Variants in UTRN observed in about 807,000 individuals in gnomAD.
UTRN encodes the protein utrophin.
UTRN carries 283 observed loss-of-function variants against 463.9 expected under a neutral mutation model. The ratio of observed to expected loss-of-function variants is 0.61; its 90% CI spans 0.55 to 0.67. The LOEUF is 0.67. UTRN is among the 30% of genes least tolerant of loss of function. The probability of loss-of-function intolerance (pLI) is 0.00; values close to 1 mark genes in which losing one functional copy is unlikely to be tolerated. For missense variants in UTRN, 3,922 were observed against 4,084.3 expected (o/e 0.96, Z 1.08); for synonymous variants, 1,442 against 1,431.5 (o/e 1.01, Z -0.17).
At chr6:144,573,002 C>T (rs1562591915) in intron 50 of UTRN, among the ~76,000 whole-genome samples, 1 of 152,196 alleles carries the variant, frequency 6.6e-6, no homozygotes, top group Non-Finnish European at 1.5e-5. Context: ...AACTAATTTA[C>T]ACTCCCACCA....
In UTRN at chr6:144,631,208, AGAGT is replaced by A. The variant is rs989175119; in HGVS notation, c.7480-47192_7480-47189del. ...CCAAAAGAGAGAGAGAGAGAAAGAG[AGAGT>A]GAGTGTGTGTGTGTGAGAGAGAGAG... is the stretch of plus-strand genomic sequence containing the variant. On this transcript the variant is annotated intron_variant, in intron 51 of 74. Transcript: ENST00000367545. Among the ~76,000 whole-genome samples, 121 of 149,072 alleles carry A rather than the reference AGAGT, an allele frequency of 8.1e-4. 1 individual carries two copies. The Middle Eastern group carries it at 0.017, about 21-fold the overall frequency.
chr6:144,437,528 TG>T, intron 10 of UTRN, 36 bp from the exon 11 acceptor site: 1 of 1,515,528 alleles, frequency 6.6e-7, no homozygotes, highest in Non-Finnish European at 8.8e-7. Flanking sequence ...TTTTTTGCAC[TG>T]AGTAGCTCAC....
At chr6:144,711,170 T>C (rs906124691) in intron 53 of UTRN, among the ~76,000 whole-genome samples, 27 of 151,912 alleles carry the variant, frequency 1.8e-4, no homozygotes, top group African/African-American at 6.5e-4. Flanking sequence ...ATATAAAAAT[T>C]AGGTGTGGTG....
intron 58 of UTRN, among the ~76,000 whole-genome samples, chr6:144,761,013 C>T (rs2128727650): frequency 6.6e-6 from 1 of 152,158 alleles, no homozygotes; most frequent in East Asian, 1.9e-4. Flanking sequence ...TAGGTAATTC[C>T]TTATTAATAT....
At chr6:144,818,872 G>T (rs1779313949) in intron 65 of UTRN, among the ~76,000 whole-genome samples, 2 of 150,060 alleles carry the variant, frequency 1.3e-5, no homozygotes. Context: ...TTCCTTATTT[G>T]CTCCCAACTA....
intron 9 of UTRN, among the ~76,000 whole-genome samples, chr6:144,431,456 T>C (rs1209714705): frequency 6.6e-6 from 1 of 152,254 alleles, no homozygotes. Context: ...ATCATCTCTC[T>C]GACATAGCTT....
At chr6:144,837,717 C>T (rs573873686) in intron 71 of UTRN, among the ~76,000 whole-genome samples, 1 of 152,244 alleles carries the variant, frequency 6.6e-6, no homozygotes, top group East Asian at 1.9e-4. Flanking sequence ...TTTAACTTAC[C>T]AGAATAATTC....
At position 144,345,856 on chromosome 6, in the gene UTRN, AG is replaced by A. The variant is rs1182966716; in HGVS notation, c.79+53950del. ...TGATTGAAATCAGAAGACAGCTAGA[AG>A]AAAAGTACAAACAAACCTTTAAATA... On this transcript the variant is annotated intron_variant, in intron 2 of 74. Coordinates refer to ENST00000367545, the MANE Select transcript of UTRN (RefSeq NM_007124.3). Among the ~76,000 whole-genome samples, 3 of 152,216 alleles carry A rather than the reference AG, an allele frequency of 2.0e-5. No homozygotes were observed. In the East Asian group the frequency reaches 5.8e-4, roughly 29 times the overall value.
intron 51 of UTRN, among the ~76,000 whole-genome samples, chr6:144,624,357 T>C (rs1159182903): frequency 6.6e-6 from 1 of 151,814 alleles, no homozygotes; most frequent in Non-Finnish European, 1.5e-5. Flanking sequence ...TACAGAAAAG[T>C]AATAGGTGGA....
chr6:144,778,299 G>T (rs1775512647), intron 60 of UTRN, among the ~76,000 whole-genome samples: 1 of 152,118 alleles, frequency 6.6e-6, no homozygotes, highest in Non-Finnish European at 1.5e-5. Flanking sequence ...GGTAGAAGAA[G>T]GAAGGATGTT....
At chr6:144,511,973 A>G (rs530805679) in intron 35 of UTRN, among the ~76,000 whole-genome samples, 1 of 152,254 alleles carries the variant, frequency 6.6e-6, no homozygotes, top group South Asian at 2.1e-4. Flanking sequence ...TAAAAAATAC[A>G]TTATCATGTG....
chr6:144,632,590 A>T, intron 51 of UTRN, among the ~76,000 whole-genome samples: 1 of 152,164 alleles, frequency 6.6e-6, no homozygotes. Context: ...GAACTGCAGA[A>T]ACTCCTTTCT....
At chr6:144,383,095 C>A (rs1025208001) in intron 2 of UTRN, among the ~76,000 whole-genome samples, 1 of 151,810 alleles carries the variant, frequency 6.6e-6, no homozygotes, top group Admixed American at 6.6e-5. Context: ...CCACACCCAG[C>A]TAATTTTTGT....
At position 144,625,635 on chromosome 6, in the gene UTRN, C is replaced by G. The variant is rs75108325; in HGVS notation, c.7479+48347C>G. ...GGTGCCATGTTCAGTGAGAAGCTGG[C>G]AAATTTATGAAGGAATGTGCTAATG... On this transcript the variant is annotated intron_variant, in intron 51 of 74. Transcript: ENST00000367545. 1.6e-4 allele frequency among the ~76,000 whole-genome samples: 25 copies of G among 152,260 alleles called. No individual in the cohort carries two copies. The East Asian group carries it at 4.8e-3, about 29-fold the overall frequency.
rs138748409 is a variant in UTRN, at chr6:144,501,407, AC to A, written c.4764+1981del. Among the ~76,000 whole-genome samples, 326 of 152,352 alleles carry A rather than the reference AC, an allele frequency of 2.1e-3. 4 individuals are homozygous for A. The highest frequency in any genetic ancestry group is 7.5e-3 in the African/African-American group (313 of 41,574). On this transcript the variant is annotated intron_variant, in intron 34 of 74. Transcript: ENST00000367545. ...AATTTGCCTAGTGTAATACAAAAAA[AC>A]AGGAGCAAAAATCACCTATAATCAA...
At chr6:144,495,310 G>A (rs1295201659) in intron 33 of UTRN, among the ~76,000 whole-genome samples, 1 of 152,250 alleles carries the variant, frequency 6.6e-6, no homozygotes, top group African/African-American at 2.4e-5. Flanking sequence ...AGGCAGCTAA[G>A]GCCCGGTGAG....
chr6:144,418,799 G>T (rs1014250910), intron 3 of UTRN, among the ~76,000 whole-genome samples: 2 of 151,924 alleles, frequency 1.3e-5, no homozygotes, highest in Admixed American at 1.3e-4. Flanking sequence ...TGATCCTCTC[G>T]CCTCGGCCTC....
chr6:144,417,693 A>T (rs1002352209), intron 3 of UTRN, among the ~76,000 whole-genome samples: 3 of 152,208 alleles, frequency 2.0e-5, no homozygotes, highest in African/African-American at 7.2e-5. Context: ...GTGAAATTCA[A>T]ATTTTAGTGT....
intron 51 of UTRN, among the ~76,000 whole-genome samples, chr6:144,601,643 A>G (rs1448935124): frequency 6.6e-6 from 1 of 152,224 alleles, no homozygotes; most frequent in African/African-American, 2.4e-5. Flanking sequence ...TATGAACATT[A>G]TGGAAATGAC....
Sources: gnomAD v4.1 joint callset for allele counts (sites outside exome capture counted in the v4.1 genomes callset) on GRCh38, gnomAD v4.1.1 for gene constraint, MANE v1.5 for transcripts, NCBI Gene and HGNC (gene_info 2026-07-23, HGNC 2026-07-21) for gene names.